Variants in ZNF469 observed in about 807,000 individuals in gnomAD.
The protein encoded by ZNF469 is zinc finger protein 469.
A neutral mutation model predicts 1.0 loss-of-function variants in ZNF469; 1 was observed. That is an observed-to-expected ratio of 1.00 (90% CI 0.35 to 4.73). The LOEUF (loss-of-function observed/expected upper bound fraction) is 4.73, where lower values mean the gene tolerates loss of function less well. Among genes scored for constraint, ZNF469 ranks in the 30% most tolerant of loss-of-function variants. The pLI is 0.16. For synonymous variants in ZNF469, 2,703 were observed against 2,363.4 expected, an observed-to-expected ratio of 1.14 and a Z score of -4.17; for missense variants, 6,100 against 5,356.3, an observed-to-expected ratio of 1.14 and a Z score of -4.33.
the ZNF469 span, among the ~76,000 whole-genome samples, chr16:88,296,112 A>T: frequency 6.6e-6 from 1 of 152,078 alleles, no homozygotes; most frequent in Non-Finnish European, 1.5e-5. Context: ...CTCCTTTCAG[A>T]TCCCTTCCTG....
chr16:88,279,954 G>A, the ZNF469 span, among the ~76,000 whole-genome samples: 67 of 144,892 alleles, frequency 4.6e-4, 3 homozygotes, highest in South Asian at 0.011. Context: ...TTAGTGCTGC[G>A]CCACGCTGAC....
the ZNF469 span, among the ~76,000 whole-genome samples, chr16:88,171,827 G>A: frequency 1 from 152,188 of 152,296 alleles, 76,040 homozygotes; most frequent in Middle Eastern, 1. Flanking sequence ...ATGTGGGAAT[G>A]AAAAATGATT....
intron 1 of ZNF469, among the ~76,000 whole-genome samples, chr16:88,413,303 C>T (rs1439732915): frequency 4.6e-5 from 7 of 152,062 alleles, no homozygotes; most frequent in Non-Finnish European, 8.8e-5. Context: ...AGGACAGACC[C>T]GCTCTGTCTC....
chr16:88,130,709 A>G, the ZNF469 span, among the ~76,000 whole-genome samples: 2 of 132,274 alleles, frequency 1.5e-5, no homozygotes, highest in Admixed American at 1.4e-4. Context: ...TCTGTGTCAA[A>G]AAAAAAAAAA....
At chr16:88,165,440 C>A in the ZNF469 span, among the ~76,000 whole-genome samples, 1 of 152,134 alleles carries the variant, frequency 6.6e-6, no homozygotes, top group Non-Finnish European at 1.5e-5. Context: ...TTCAGGAGGG[C>A]TCACTCGGGC....
upstream of ZNF469, among the ~76,000 whole-genome samples, chr16:88,379,206 A>G (rs1309583369): frequency 1.3e-5 from 2 of 152,158 alleles, no homozygotes; most frequent in Non-Finnish European, 2.9e-5. Flanking sequence ...GTTGATCAGT[A>G]GCAGGCCTGG....
chr16:88,342,260 G>A, the ZNF469 span, among the ~76,000 whole-genome samples: 1 of 152,096 alleles, frequency 6.6e-6, no homozygotes, highest in Non-Finnish European at 1.5e-5. Flanking sequence ...AGCTCAGTGT[G>A]GGGGTCCAGG....
Position 88,438,640 on chromosome 16 carries a change from C to T in ZNF469, c.11170C>T (p.Pro3724Ser), listed in dbSNP as rs1258940495. The T allele has an allele frequency of 7.1e-6, 11 of 1,550,112 alleles. No homozygotes were observed. In the East Asian group the frequency reaches 2.7e-4, roughly 38 times the overall value. ...AGAGAATGGGATGAAGCCCGCCACC[C>T]CCAAAGCCAAACCCGGCCCCAGCTC... ...GTENGMKPAT[P>S]KAKPGPSSQG... Residue 3724 changes from proline to serine, a missense_variant, in exon 3 of 3, where the codon CCC becomes TCC. Transcript: ENST00000565624.
chr16:88,426,750 TG>T (rs1428192120), intron 2 of ZNF469, among the ~76,000 whole-genome samples: 1 of 152,150 alleles, frequency 6.6e-6, no homozygotes, highest in Non-Finnish European at 1.5e-5. Context: ...CTGTAAGGCC[TG>T]GTGGCAGGGA....
chr16:88,360,256 G>A, the ZNF469 span, among the ~76,000 whole-genome samples: 3 of 151,216 alleles, frequency 2.0e-5, no homozygotes. Context: ...CTGACCTCAG[G>A]TGATCCACCC....
the ZNF469 span, among the ~76,000 whole-genome samples, chr16:88,287,149 T>C: frequency 6.6e-6 from 1 of 152,196 alleles, no homozygotes; most frequent in Non-Finnish European, 1.5e-5. Context: ...TCACCGAATC[T>C]TCAGTTTCTA....
chr16:88,340,228 G>T, the ZNF469 span, among the ~76,000 whole-genome samples: 1 of 152,202 alleles, frequency 6.6e-6, no homozygotes, highest in Non-Finnish European at 1.5e-5. Flanking sequence ...TGCAGAGCAG[G>T]GGGAGCCTGT....
the ZNF469 span, among the ~76,000 whole-genome samples, chr16:88,193,198 ATGG>A: frequency 4.3e-5 from 1 of 23,476 alleles, no homozygotes; most frequent in East Asian, 1.8e-3. Flanking sequence ...GGTGGTGGTG[ATGG>A]TGGTGGGGAT....
chr16:88,103,453 G>A, the ZNF469 span, among the ~76,000 whole-genome samples: 3 of 152,342 alleles, frequency 2.0e-5, no homozygotes, highest in Non-Finnish European at 2.9e-5. Flanking sequence ...CCAGCCACCC[G>A]CCCTCGGGAC....
the ZNF469 span, among the ~76,000 whole-genome samples, chr16:88,122,763 ATATT>A: frequency 6.6e-6 from 1 of 151,694 alleles, no homozygotes; most frequent in African/African-American, 2.4e-5. Flanking sequence ...CTTTAGGTAT[ATATT>A]CTTAGCTCTG....
At chr16:88,249,180 G>A in the ZNF469 span, among the ~76,000 whole-genome samples, 1 of 151,738 alleles carries the variant, frequency 6.6e-6, no homozygotes, top group East Asian at 1.9e-4. Flanking sequence ...CTCCTTTTAT[G>A]GGTAAGATAA....
At chr16:88,292,464 G>A in the ZNF469 span, among the ~76,000 whole-genome samples, 1 of 152,140 alleles carries the variant, frequency 6.6e-6, no homozygotes, top group Admixed American at 6.5e-5. Flanking sequence ...ACCTCACCAG[G>A]GCCCCAGTGG....
At chr16:88,368,972 G>A in the ZNF469 span, among the ~76,000 whole-genome samples, 8 of 152,120 alleles carry the variant, frequency 5.3e-5, no homozygotes, top group African/African-American at 1.9e-4. Context: ...CCAGCTACTT[G>A]GGAGGCTGAG....
At position 88,430,660 on chromosome 16, in the gene ZNF469, C is replaced by T. The variant is rs991295371; in HGVS notation, c.3190C>T (p.Arg1064Trp). ...GCAGCAGAAGAACAGGCGCCACCGG[C>T]GGCTGGGGCGGCGGGCGGGCAGGTG... is the stretch of plus-strand genomic sequence containing the variant. The part of the protein sequence containing the change: ...IVQQKNRRHR[R>W]LGRRAGRCGS... Residue 1064 changes from arginine (R) to tryptophan (W), a missense_variant, in exon 3 of 3, where the codon CGG (arginine) becomes TGG (tryptophan). Arg to Trp is a moderately radical substitution (Grantham distance 101). Coordinates refer to ENST00000565624, the MANE Select transcript of ZNF469 (RefSeq NM_001367624.2). 2 of 1,492,158 alleles carry T rather than the reference C, an allele frequency of 1.3e-6. No homozygotes were observed. Among genetic ancestry groups the T allele is most frequent in the South Asian group, 1.3e-5 (1 of 79,194 alleles). The allele number at this position is 1,492,158 out of a possible 1,614,324, so 92.4% of individuals were successfully genotyped here.
Sources: gnomAD v4.1 joint callset for allele counts (sites outside exome capture counted in the v4.1 genomes callset) on GRCh38, gnomAD v4.1.1 for gene constraint, MANE v1.5 for transcripts, NCBI Gene and HGNC (gene_info 2026-07-23, HGNC 2026-07-21) for gene names.